The following EPHA6 variants were observed in gnomAD, a reference collection of about 807,000 sequenced individuals.
EPHA6 encodes ephrin type-A receptor 6.
In EPHA6, 50 loss-of-function variants were observed where a neutral mutation model predicts 112.0. The ratio of observed to expected loss-of-function variants is 0.45; its 90% CI spans 0.36 to 0.56. The LOEUF is 0.56. Ranked by LOEUF, EPHA6 falls within the 20% of genes least tolerant of loss-of-function variation. The pLI is 0.00. For missense variants in EPHA6, 1,280 were observed against 1,417.4 expected, an observed-to-expected ratio of 0.90 and a Z score of 1.56; for synonymous variants, 529 against 490.7, an observed-to-expected ratio of 1.08 and a Z score of -1.03.
At chr3:97,155,038 C>T (rs1202272603) in intron 3 of EPHA6, among the ~76,000 whole-genome samples, 1 of 152,092 alleles carries the variant, frequency 6.6e-6, no homozygotes, top group Non-Finnish European at 1.5e-5. Context: ...AATTCCAACA[C>T]TTTGAAGCTT....
intron 11 of EPHA6, among the ~76,000 whole-genome samples, chr3:97,554,764 C>A (rs1437483589): frequency 6.6e-6 from 1 of 151,786 alleles, no homozygotes; most frequent in Non-Finnish European, 1.5e-5. Flanking sequence ...ACAAGGGAGG[C>A]TGGGAAATGT....
chr3:97,328,060 T>C (rs967082103), intron 5 of EPHA6, among the ~76,000 whole-genome samples: 9 of 143,712 alleles, frequency 6.3e-5, no homozygotes, highest in African/African-American at 1.8e-4. Context: ...TACACATATA[T>C]ATATATATAT....
chr3:97,329,662 T>C (rs2082678449), intron 5 of EPHA6, among the ~76,000 whole-genome samples: 2 of 152,178 alleles, frequency 1.3e-5, no homozygotes, highest in Admixed American at 6.6e-5. Flanking sequence ...TTTGATGGGG[T>C]TGTTTGTTTT....
At chr3:97,356,641 C>T (rs866749639) in intron 5 of EPHA6, among the ~76,000 whole-genome samples, 1 of 152,102 alleles carries the variant, frequency 6.6e-6, no homozygotes, top group East Asian at 1.9e-4. Flanking sequence ...TATAACTTCA[C>T]CCTATTGTGC....
intron 1 of EPHA6, among the ~76,000 whole-genome samples, chr3:96,854,220 C>G (rs2035562806): frequency 6.9e-6 from 1 of 145,588 alleles, no homozygotes; most frequent in South Asian, 2.2e-4. Flanking sequence ...CGCTCTATCT[C>G]CCAGGCTGGA....
intron 10 of EPHA6, among the ~76,000 whole-genome samples, chr3:97,519,805 CT>C (rs2092508836): frequency 6.6e-6 from 1 of 151,492 alleles, no homozygotes; most frequent in Non-Finnish European, 1.5e-5. Flanking sequence ...TGTAGAAACA[CT>C]GCTGATTTTT....
chr3:97,182,945 C>A (rs932167218), intron 3 of EPHA6, among the ~76,000 whole-genome samples: 1 of 151,932 alleles, frequency 6.6e-6, no homozygotes, highest in Non-Finnish European at 1.5e-5. Flanking sequence ...ATGTTTAAAC[C>A]TGGCCAATTT....
chr3:97,499,755 G>A (rs78991838), intron 10 of EPHA6, among the ~76,000 whole-genome samples: 7 of 152,102 alleles, frequency 4.6e-5, no homozygotes, highest in African/African-American at 1.7e-4. Context: ...TGCCCTACCT[G>A]TGTAGGGCAC....
intron 2 of EPHA6, among the ~76,000 whole-genome samples, chr3:96,959,907 G>A (rs2041897541): frequency 6.6e-6 from 1 of 152,010 alleles, no homozygotes; most frequent in African/African-American, 2.4e-5. Flanking sequence ...ATAGAATTGG[G>A]ATGAGTAGAG....
chr3:97,536,910 C>G (rs1225377567), intron 11 of EPHA6, among the ~76,000 whole-genome samples: 2 of 152,062 alleles, frequency 1.3e-5, no homozygotes, highest in Non-Finnish European at 2.9e-5. Flanking sequence ...CATTAAAGGT[C>G]ACATTTACCT....
intron 14 of EPHA6, among the ~76,000 whole-genome samples, chr3:97,678,514 A>G (rs2031594325): frequency 6.6e-6 from 1 of 152,116 alleles, no homozygotes; most frequent in Admixed American, 6.5e-5. Context: ...CTTAATGCAT[A>G]TTGTGGAGGC....
intron 5 of EPHA6, among the ~76,000 whole-genome samples, chr3:97,307,378 G>C (rs2081364239): frequency 6.6e-6 from 1 of 151,712 alleles, no homozygotes; most frequent in Non-Finnish European, 1.5e-5. Context: ...AATGTAACCT[G>C]AACGTGCCTC....
chr3:97,258,769 C>G (rs1170698168), intron 5 of EPHA6, among the ~76,000 whole-genome samples: 12 of 152,068 alleles, frequency 7.9e-5, no homozygotes. Context: ...TTTAATCTCT[C>G]CAGACCTCAG....
chr3:97,610,068 T>TA (rs1329905342), intron 12 of EPHA6, among the ~76,000 whole-genome samples: 1 of 151,462 alleles, frequency 6.6e-6, no homozygotes, highest in East Asian at 1.9e-4. Flanking sequence ...ATTGATATGA[T>TA]AAAAAAGGAA....
At position 97,677,232 on chromosome 3, in the gene EPHA6, T is replaced by C. The variant is rs2107672789; in HGVS notation, c.2784+39150T>C. Among the ~76,000 whole-genome samples, 3 of 152,276 alleles carry C rather than the reference T, an allele frequency of 2.0e-5. No homozygotes were observed. The South Asian group carries it at 6.2e-4, about 32-fold the overall frequency. ...ATTAAGAAGTGCTACATGTGTAAAA[T>C]ACACACCAGATTAACATTTACATTA... is the stretch of plus-strand genomic sequence containing the variant. On this transcript the variant is annotated intron_variant, in intron 14 of 17. Transcript: ENST00000389672.
chr3:97,056,905 A>G (rs1244012664), intron 3 of EPHA6, among the ~76,000 whole-genome samples: 1 of 152,198 alleles, frequency 6.6e-6, no homozygotes, highest in African/African-American at 2.4e-5. Flanking sequence ...TTTGACTGCT[A>G]CTGCCACCAC....
chr3:97,476,870 T>C (rs1431973920), intron 8 of EPHA6, among the ~76,000 whole-genome samples: 1 of 152,096 alleles, frequency 6.6e-6, no homozygotes, highest in Non-Finnish European at 1.5e-5. Flanking sequence ...TAAACAGATA[T>C]AGTAATGGTC....
intron 5 of EPHA6, among the ~76,000 whole-genome samples, chr3:97,365,340 C>T (rs1350250867): frequency 6.6e-6 from 1 of 151,998 alleles, no homozygotes; most frequent in Non-Finnish European, 1.5e-5. Context: ...AAATACTACC[C>T]TACAGACATC....
intron 5 of EPHA6, among the ~76,000 whole-genome samples, chr3:97,357,529 T>G (rs2084148579): frequency 6.6e-6 from 1 of 152,178 alleles, no homozygotes; most frequent in African/African-American, 2.4e-5. Context: ...TCATATGTTT[T>G]TATCCATTCT....
Sources: allele counts gnomAD v4.1 joint callset (sites outside exome capture counted in the v4.1 genomes callset), GRCh38; gene constraint gnomAD v4.1.1; transcripts MANE v1.5; gene names NCBI Gene and HGNC (gene_info 2026-07-23, HGNC 2026-07-21).